NEDD4L: variants seen among roughly 807,000 people sequenced by gnomAD.
NEDD4L encodes E3 ubiquitin-protein ligase NEDD4-like.
NEDD4L carries 54 observed loss-of-function variants against 148.9 expected under a neutral mutation model. That is an observed-to-expected ratio of 0.36 (90% confidence interval 0.29 to 0.45). NEDD4L has a LOEUF of 0.45. NEDD4L is among the 20% of genes least tolerant of loss of function. The pLI is 1.00. For synonymous variants in NEDD4L, 433 were observed against 440.7 expected (o/e 0.98, Z 0.22); for missense variants, 856 against 1,233.8 (o/e 0.69, Z 4.59).
intron 2 of NEDD4L, among the ~76,000 whole-genome samples, chr18:58,209,487 C>T (rs1442721150): frequency 4.5e-5 from 3 of 66,386 alleles, no homozygotes; most frequent in Admixed American, 2.6e-4. Context: ...ACTCTTCCCC[C>T]TCCTTTCTTA....
intron 5 of NEDD4L, among the ~76,000 whole-genome samples, chr18:58,310,203 C>G (rs2057524470): frequency 6.6e-6 from 1 of 152,154 alleles, no homozygotes; most frequent in African/African-American, 2.4e-5. Context: ...CTGTAAAAGT[C>G]CTGCAAATTT....
At chr18:58,296,462 T>C (rs902093142) in intron 5 of NEDD4L, among the ~76,000 whole-genome samples, 1 of 152,232 alleles carries the variant, frequency 6.6e-6, no homozygotes, top group Non-Finnish European at 1.5e-5. Context: ...GTCACTGAAC[T>C]GAAGTCAGGA....
chr18:58,095,210 G>T (rs1200416870), intron 1 of NEDD4L, among the ~76,000 whole-genome samples: 1 of 152,196 alleles, frequency 6.6e-6, no homozygotes, highest in Non-Finnish European at 1.5e-5. Flanking sequence ...GGGCTGCTTA[G>T]TATTTATTGA....
At chr18:58,075,199 A>T (rs2083095633) in intron 1 of NEDD4L, among the ~76,000 whole-genome samples, 3 of 152,276 alleles carry the variant, frequency 2.0e-5, no homozygotes, top group South Asian at 2.1e-4. Context: ...TTAGTTAGTT[A>T]GTTTGTGTTT....
At chr18:58,385,147 G>A (rs964368848) in intron 25 of NEDD4L, among the ~76,000 whole-genome samples, 3 of 152,144 alleles carry the variant, frequency 2.0e-5, no homozygotes, top group Non-Finnish European at 4.4e-5. Context: ...ACGGGTGTGT[G>A]CATCTTATAC....
At chr18:58,070,461 G>T (rs958509783) in intron 1 of NEDD4L, among the ~76,000 whole-genome samples, 5 of 151,946 alleles carry the variant, frequency 3.3e-5, no homozygotes, top group Non-Finnish European at 7.4e-5. Flanking sequence ...TGTAGAGATG[G>T]AGTCTCCCTA....
chr18:58,156,302 G>C (rs1287594808), intron 1 of NEDD4L, among the ~76,000 whole-genome samples: 1 of 152,172 alleles, frequency 6.6e-6, no homozygotes, highest in East Asian at 1.9e-4. Flanking sequence ...ATGCTATCTA[G>C]AGATGCTTTA....
chr18:58,182,761 C>T (rs7236941), intron 2 of NEDD4L, among the ~76,000 whole-genome samples: 1,607 of 152,268 alleles, frequency 0.011, 27 homozygotes, highest in African/African-American at 0.037. Flanking sequence ...GGATTACAGG[C>T]GTGAGCCACT....
intron 9 of NEDD4L, among the ~76,000 whole-genome samples, chr18:58,327,312 G>T (rs2059397577): frequency 6.6e-6 from 1 of 152,200 alleles, no homozygotes; most frequent in African/African-American, 2.4e-5. Flanking sequence ...GGTCAAGCTG[G>T]TTTCAAACTC....
At chr18:58,065,555 C>T (rs1015241239) in intron 1 of NEDD4L, among the ~76,000 whole-genome samples, 35 of 152,154 alleles carry the variant, frequency 2.3e-4, no homozygotes, top group Admixed American at 5.2e-4. Flanking sequence ...TTAAGAGATA[C>T]GCTGGATGGT....
At chr18:58,278,025 A>G (rs563943405) in intron 5 of NEDD4L, among the ~76,000 whole-genome samples, 237 of 152,110 alleles carry the variant, frequency 1.6e-3, no homozygotes, top group African/African-American at 5.5e-3. Flanking sequence ...CTCCTCAGAA[A>G]TATTTTCTCC....
Position 58,172,362 on chromosome 18 carries a change from C to T in NEDD4L, c.122+6501C>T, listed in dbSNP as rs75700448. Among the ~76,000 whole-genome samples, 136 of 152,212 alleles carry T rather than the reference C, an allele frequency of 8.9e-4. 1 individual carries two copies. The East Asian group carries it at 0.024, about 26-fold the overall frequency. On this transcript the variant is annotated intron_variant, in intron 2 of 30. Transcript: ENST00000400345. ...CAGGGACAAGTCCTTGGTGTTTGGC[C>T]ATGGTGAAGTGTGCAGTTAGGGTAG... is the stretch of plus-strand genomic sequence containing the variant.
At chr18:58,184,793 C>G (rs143931714) in intron 2 of NEDD4L, among the ~76,000 whole-genome samples, 1 of 151,636 alleles carries the variant, frequency 6.6e-6, no homozygotes, top group Non-Finnish European at 1.5e-5. Flanking sequence ...CTGGGCATGG[C>G]GGCGGGCGCC....
chr18:58,103,968 T>G (rs993766116), intron 1 of NEDD4L, among the ~76,000 whole-genome samples: 2 of 152,184 alleles, frequency 1.3e-5, no homozygotes, highest in African/African-American at 4.8e-5. Flanking sequence ...ATGCAAAGGA[T>G]GAAATGTATG....
chr18:58,123,129 G>A (rs1384282829), intron 1 of NEDD4L, among the ~76,000 whole-genome samples: 1 of 152,138 alleles, frequency 6.6e-6, no homozygotes, highest in Non-Finnish European at 1.5e-5. Flanking sequence ...ACCTCTGAAT[G>A]TTCCCGCACC....
chr18:58,312,957 G>A (rs1279115072), intron 5 of NEDD4L, among the ~76,000 whole-genome samples: 1 of 152,210 alleles, frequency 6.6e-6, no homozygotes, highest in Admixed American at 6.5e-5. Context: ...TTAGATTACA[G>A]GCGTGAGCCA....
At chr18:58,047,141 G>T (rs1201166453) in intron 1 of NEDD4L, 1 of 567,810 alleles carries the variant, frequency 1.8e-6, no homozygotes, top group Non-Finnish European at 2.2e-6. Flanking sequence ...GAAGCAAACG[G>T]CAGGGTTGTT....
intron 2 of NEDD4L, among the ~76,000 whole-genome samples, chr18:58,182,335 A>G (rs2038952731): frequency 6.6e-6 from 1 of 152,110 alleles, no homozygotes; most frequent in African/African-American, 2.4e-5. Flanking sequence ...AACAAAAACC[A>G]TGCATGTCTT....
At chr18:58,061,617 C>T (rs4940635) in intron 1 of NEDD4L, among the ~76,000 whole-genome samples, 122,936 of 152,020 alleles carry the variant, frequency 0.81, 50,255 homozygotes, top group East Asian at 1. Flanking sequence ...TTCAAAGAAA[C>T]CTCCTTTAGA....
Sources: allele counts gnomAD v4.1 joint callset (sites outside exome capture counted in the v4.1 genomes callset), GRCh38; gene constraint gnomAD v4.1.1; transcripts MANE v1.5; gene names NCBI Gene and HGNC (gene_info 2026-07-23, HGNC 2026-07-21).